ROBO1: variants seen among roughly 807,000 people sequenced by gnomAD.
The protein encoded by ROBO1 is roundabout guidance receptor 1, also known as roundabout homolog 1.
In ROBO1, 149 loss-of-function variants were observed where a neutral mutation model predicts 195.9. The observed-to-expected ratio is 0.76, with a 90% CI of 0.67 to 0.87. The LOEUF is 0.87. Ranked by LOEUF, ROBO1 falls within the 40% of genes least tolerant of loss-of-function variation. The probability of loss-of-function intolerance (pLI) is 0.00; values close to 1 mark genes in which losing one functional copy is unlikely to be tolerated. For synonymous variants in ROBO1, 816 were observed against 733.2 expected, an observed-to-expected ratio of 1.11 and a Z score of -1.82; for missense variants, 1,933 against 2,068.3, an observed-to-expected ratio of 0.93 and a Z score of 1.27.
intron 1 of ROBO1, among the ~76,000 whole-genome samples, chr3:79,730,896 G>A (rs1033807295): frequency 4.0e-5 from 6 of 148,190 alleles, no homozygotes; most frequent in Non-Finnish European, 5.9e-5. Context: ...TCCTGCCTCA[G>A]CCTTCCAAGT....
chr3:79,400,028 A>G (rs1285757222), intron 2 of ROBO1, among the ~76,000 whole-genome samples: 1 of 152,134 alleles, frequency 6.6e-6, no homozygotes, highest in Non-Finnish European at 1.5e-5. Context: ...TTTATATTTA[A>G]TTACTCATTC....
chr3:79,231,827 T>C (rs1041905509), intron 2 of ROBO1, among the ~76,000 whole-genome samples: 1 of 151,994 alleles, frequency 6.6e-6, no homozygotes, highest in Admixed American at 6.6e-5. Flanking sequence ...TGCCCATCAA[T>C]GGGTAGACTG....
chr3:79,423,963 G>A (rs2038337725), intron 2 of ROBO1, among the ~76,000 whole-genome samples: 1 of 151,754 alleles, frequency 6.6e-6, no homozygotes, highest in Non-Finnish European at 1.5e-5. Flanking sequence ...CTTTATTGCT[G>A]AAGGTACCAC....
intron 4 of ROBO1, among the ~76,000 whole-genome samples, chr3:78,876,969 A>AG (rs1263039639): frequency 2.0e-4 from 30 of 152,254 alleles, no homozygotes; most frequent in African/African-American, 6.5e-4. Context: ...AGTTTGTTTA[A>AG]GGCCAATTAT....
chr3:79,465,318 T>C (rs1038121522), intron 2 of ROBO1, among the ~76,000 whole-genome samples: 1 of 152,100 alleles, frequency 6.6e-6, no homozygotes, highest in African/African-American at 2.4e-5. Context: ...CTCAGAACTA[T>C]CGCAAAAAAG....
chr3:79,724,754 C>T (rs1196808285), intron 1 of ROBO1, among the ~76,000 whole-genome samples: 1 of 152,210 alleles, frequency 6.6e-6, no homozygotes, highest in Non-Finnish European at 1.5e-5. Flanking sequence ...TGCCTGAATT[C>T]CTGACTCACA....
intron 2 of ROBO1, among the ~76,000 whole-genome samples, chr3:79,169,597 C>A (rs555602634): frequency 6.6e-6 from 1 of 152,088 alleles, no homozygotes; most frequent in East Asian, 1.9e-4. Context: ...ATTGTTGAAA[C>A]CTGAAATAAA....
chr3:78,913,152 T>C (rs997573691), intron 4 of ROBO1, among the ~76,000 whole-genome samples: 1 of 152,164 alleles, frequency 6.6e-6, no homozygotes, highest in Non-Finnish European at 1.5e-5. Context: ...TGTGCATTTC[T>C]ACGATGGAAT....
At chr3:79,024,763 C>A (rs1184597068) in intron 3 of ROBO1, among the ~76,000 whole-genome samples, 1 of 152,200 alleles carries the variant, frequency 6.6e-6, no homozygotes, top group Non-Finnish European at 1.5e-5. Flanking sequence ...CAATACCTTA[C>A]ACCTGAAAAT....
intron 2 of ROBO1, among the ~76,000 whole-genome samples, chr3:79,485,454 C>T (rs1436694255): frequency 1.3e-5 from 2 of 152,070 alleles, no homozygotes; most frequent in African/African-American, 4.8e-5. Context: ...TACATAGTTC[C>T]TACACTAAAT....
chr3:79,706,615 T>C (rs1560117205), intron 1 of ROBO1, among the ~76,000 whole-genome samples: 1 of 152,054 alleles, frequency 6.6e-6, no homozygotes, highest in Non-Finnish European at 1.5e-5. Context: ...TCCATGCTGT[T>C]CTCATGATAG....
chr3:79,416,530 C>G (rs369374317), intron 2 of ROBO1, among the ~76,000 whole-genome samples: 260 of 150,564 alleles, frequency 1.7e-3, no homozygotes, highest in African/African-American at 6.0e-3. Flanking sequence ...ATTGTTTGAG[C>G]CCTAGGAGGT....
chr3:78,851,684 T>C (rs535858276), intron 4 of ROBO1, among the ~76,000 whole-genome samples: 1 of 152,300 alleles, frequency 6.6e-6, no homozygotes, highest in Admixed American at 6.5e-5. Flanking sequence ...TTTATTAAAT[T>C]GTACATCAGT....
chr3:79,200,937 A>C (rs963583335), intron 2 of ROBO1, among the ~76,000 whole-genome samples: 1 of 151,994 alleles, frequency 6.6e-6, no homozygotes, highest in Admixed American at 6.6e-5. Context: ...TTTGCTATAT[A>C]AAATGGCTCA....
In ROBO1 at chr3:78,613,047, C is replaced by T. The variant is rs532010002; in HGVS notation, c.4435+1601G>A. The stretch of plus-strand genomic sequence containing the variant: ...TAACACTGAAACAAGTACTACGGAA[C>T]GTGGGACAATAAATACAGACAATTT... On this transcript the variant is annotated intron_variant, in intron 28 of 30. Coordinates refer to ENST00000464233, the MANE Select transcript of ROBO1 (RefSeq NM_002941.4). Among the ~76,000 whole-genome samples, 73 of 152,188 alleles carry T rather than the reference C, an allele frequency of 4.8e-4. No individual in the cohort carries two copies. The South Asian group carries it at 0.014, about 30-fold the overall frequency.
chr3:78,884,169 T>C lies in ROBO1; in HGVS notation c.499+54432A>G, dbSNP rs187764002. On this transcript the variant is annotated intron_variant, in intron 4 of 30. Coordinates refer to ENST00000464233, the MANE Select transcript of ROBO1 (RefSeq NM_002941.4). ...GCCAAGCAAAGGAACATGAATGTTA[T>C]TATACAGCTAATGAAGAATCACTAT... 3.3e-5 allele frequency among the ~76,000 whole-genome samples: 5 copies of C among 152,300 alleles called. No homozygotes were observed. In the East Asian group the frequency reaches 9.6e-4, roughly 29 times the overall value.
intron 2 of ROBO1, among the ~76,000 whole-genome samples, chr3:79,488,651 A>T (rs931980114): frequency 6.6e-5 from 10 of 152,196 alleles, no homozygotes; most frequent in African/African-American, 1.9e-4. Flanking sequence ...TTTCAAACTC[A>T]TTAGGAAAAT....
At chr3:79,547,367 T>C (rs1467241216) in intron 2 of ROBO1, among the ~76,000 whole-genome samples, 1 of 151,984 alleles carries the variant, frequency 6.6e-6, no homozygotes, top group Non-Finnish European at 1.5e-5. Flanking sequence ...AGATTTTATA[T>C]GAACGTGAGG....
At chr3:79,089,124 T>C (rs1454181367) in intron 3 of ROBO1, among the ~76,000 whole-genome samples, 2 of 152,152 alleles carry the variant, frequency 1.3e-5, no homozygotes. Flanking sequence ...AAAATACATC[T>C]CATAATGAAG....
Sources: gnomAD v4.1 joint callset for allele counts (sites outside exome capture counted in the v4.1 genomes callset) on GRCh38, gnomAD v4.1.1 for gene constraint, MANE v1.5 for transcripts, NCBI Gene and HGNC (gene_info 2026-07-23, HGNC 2026-07-21) for gene names.